USP35: variants seen among roughly 807,000 people sequenced by gnomAD.
USP35 encodes ubiquitin carboxyl-terminal hydrolase 35.
In USP35, 69 loss-of-function variants were observed where a neutral mutation model predicts 83.8. That is an observed-to-expected ratio of 0.82 (90% CI 0.68 to 1.01). The LOEUF is 1.01. Among genes scored for constraint, USP35 ranks in the 50% least tolerant of loss-of-function variants. The pLI, the probability that USP35 is intolerant of heterozygous loss-of-function variation, is 0.00. For missense variants in USP35, 1,503 were observed against 1,362.5 expected, an observed-to-expected ratio of 1.10 and a Z score of -1.62; for synonymous variants, 714 against 589.5, an observed-to-expected ratio of 1.21 and a Z score of -3.06.
intron 1 of USP35, among the ~76,000 whole-genome samples, chr11:78,192,916 A>G (rs926094567): frequency 5.9e-5 from 9 of 152,150 alleles, no homozygotes; most frequent in African/African-American, 2.2e-4. Context: ...TTCTACTACC[A>G]GAGTCTTCCC....
chr11:78,199,800 G>T, intron 4 of USP35, 76 bp downstream of exon 4: 1 of 1,604,540 alleles, frequency 6.2e-7, no homozygotes, highest in Non-Finnish European at 8.5e-7. Flanking sequence ...AGGTCTGGGA[G>T]GTCAGAGCAT....
the USP35 span, among the ~76,000 whole-genome samples, chr11:78,224,645 C>T: frequency 5.9e-5 from 9 of 152,348 alleles, no homozygotes; most frequent in East Asian, 1.3e-3. Context: ...TCTTGCCTGA[C>T]ACCTTGGAGA....
intron 6 of USP35, among the ~76,000 whole-genome samples, 177 bp from the exon 7 acceptor site, chr11:78,205,665 A>G (rs1863507357): frequency 2.0e-5 from 3 of 152,182 alleles, no homozygotes; most frequent in Admixed American, 1.3e-4. Flanking sequence ...CCATATGTCA[A>G]CTGAAGGGGT....
At chr11:78,200,538 G>A (rs1040390667) in intron 5 of USP35, 112 bp from the exon 6 acceptor site, 186 of 1,466,446 alleles carry the variant, frequency 1.3e-4, no homozygotes, top group Non-Finnish European at 1.6e-4. Flanking sequence ...CAGTGGTCAG[G>A]TGGGCAAGCC....
At chr11:78,207,663 T>G in intron 8 of USP35, 40 bp downstream of exon 8, 1 of 1,596,628 alleles carries the variant, frequency 6.3e-7, no homozygotes, top group Non-Finnish European at 8.6e-7. Flanking sequence ...GAGAGGCAGC[T>G]CTGGTCAGGC....
the USP35 span, chr11:78,221,664 C>G: frequency 6.4e-7 from 1 of 1,563,624 alleles, no homozygotes; most frequent in Non-Finnish European, 8.8e-7. Context: ...CCAGCGAAGC[C>G]CGAAGGACTC....
rs1223866938 is a variant in USP35, at chr11:78,209,810, C to A, written c.1955C>A (p.Thr652Asn). 6 of 1,608,356 alleles carry A rather than the reference C, an allele frequency of 3.7e-6. No individual in the cohort carries two copies. In the South Asian group the frequency reaches 5.5e-5, roughly 15 times the overall value. Residue 652 changes from threonine to asparagine, a missense_variant, in exon 10 of 11, where the codon ACC becomes AAC. Thr to Asn is a moderately conservative substitution (Grantham distance 65). Coordinates refer to ENST00000529308, the MANE Select transcript of USP35 (RefSeq NM_020798.4). ...RQRKHCITED[T>N]PPTSLYIEGL... is the part of the protein sequence containing the mutation. ...AGGAAACACTGCATCACAGAGGACACCCCCCCCACCAGCCTGTACATCGAA... is the reference window on the plus strand; with the variant it reads ...AGGAAACACTGCATCACAGAGGACAACCCCCCCACCAGCCTGTACATCGAA...
At chr11:78,190,744 G>T (rs1280335638) in intron 1 of USP35, among the ~76,000 whole-genome samples, 1 of 152,224 alleles carries the variant, frequency 6.6e-6, no homozygotes, top group Non-Finnish European at 1.5e-5. Context: ...AGAGGAGAGG[G>T]CATGTGAGCT....
the USP35 span, among the ~76,000 whole-genome samples, chr11:78,227,811 C>A: frequency 6.6e-6 from 1 of 152,068 alleles, no homozygotes; most frequent in East Asian, 1.9e-4. Context: ...AAAAAACACA[C>A]GCCCCAACAC....
Position 78,196,177 on chromosome 11 carries a change from C to T in USP35, c.-10-59C>T, listed in dbSNP as rs1863136872. On this transcript the variant is annotated intron_variant, in intron 1 of 10. Coordinates refer to ENST00000529308, the MANE Select transcript of USP35 (RefSeq NM_020798.4). The surrounding 1 kb of genome is among the most constrained non-coding windows in gnomAD (Gnocchi z 4.8). ...TAAGTCTCAGCACTCGGGGACTGCA[C>T]CGGGAACTCTTGAGCCCCGCGGTTG... The T allele has an allele frequency of 6.6e-7, 1 of 1,512,528 alleles. No homozygotes were observed. The highest frequency in any genetic ancestry group is 8.8e-7 in the Non-Finnish European group (1 of 1,141,094). 93.7% of individuals were successfully genotyped at this position (1,512,528 alleles called of 1,614,324 possible).
At chr11:78,219,298 C>A, downstream of USP35, 1 of 1,613,766 alleles carries the variant, frequency 6.2e-7, no homozygotes, top group South Asian at 1.1e-5. Context: ...TTGGAAGGCT[C>A]TGAGGACTGC....
chr11:78,190,747 T>C (rs1862978720), intron 1 of USP35, among the ~76,000 whole-genome samples: 1 of 152,180 alleles, frequency 6.6e-6, no homozygotes, highest in African/African-American at 2.4e-5. Context: ...GGAGAGGGCA[T>C]GTGAGCTGGG....
At chr11:78,212,938 A>C (rs1024732604) in intron 10 of USP35, among the ~76,000 whole-genome samples, 1 of 152,082 alleles carries the variant, frequency 6.6e-6, no homozygotes, top group Admixed American at 6.6e-5. Context: ...CCCACTACCC[A>C]CGTGAGCCTC....
At position 78,196,588 on chromosome 11, in the gene USP35, C is replaced by T. The variant is rs780017664; in HGVS notation, c.343C>T (p.Pro115Ser). 19 of 1,253,760 alleles carry T rather than the reference C, an allele frequency of 1.5e-5. No individual in the cohort carries two copies. Among genetic ancestry groups the T allele is most frequent in the Admixed American group, 4.4e-5 (1 of 22,726 alleles). 77.7% of individuals were successfully genotyped at this position (1,253,760 alleles called of 1,614,324 possible). The change falls in exon 2 of 11, where the codon CCT becomes TCT. Residue 115 changes from proline (P) to serine (S), a missense_variant. Pro to Ser is a moderately conservative substitution (Grantham distance 74, BLOSUM62 -1). Coordinates refer to ENST00000529308, the MANE Select transcript of USP35 (RefSeq NM_020798.4). This position sits in a 1 kb window ranked among gnomAD's most constrained non-coding sequence, Gnocchi z 4.8. The part of the protein sequence containing the change: ...QLGLQLLPEG[P>S]AADEVFALLR... ...GGGTCTGCAGCTGCTGCCCGAGGGG[C>T]CTGCGGCCGACGAGGTGTTCGCGCT...
At chr11:78,227,498 A>T in the USP35 span, among the ~76,000 whole-genome samples, 71 of 152,250 alleles carry the variant, frequency 4.7e-4, no homozygotes, top group Non-Finnish European at 2.9e-5. Context: ...GTTGAAAAGA[A>T]TTATTTGGGT....
intron 6 of USP35, among the ~76,000 whole-genome samples, chr11:78,203,913 C>T (rs1204272654): frequency 2.7e-5 from 3 of 112,428 alleles, no homozygotes; most frequent in African/African-American, 1.1e-4. Flanking sequence ...TTTTTTGAGA[C>T]GGAGTCTCGC....
chr11:78,234,985 G>A, the USP35 span, among the ~76,000 whole-genome samples: 7 of 151,906 alleles, frequency 4.6e-5, no homozygotes, highest in Non-Finnish European at 4.4e-5. Context: ...ATTCCAGCCC[G>A]GGAGACAGAG....
At chr11:78,233,306 A>T in the USP35 span, among the ~76,000 whole-genome samples, 3 of 152,144 alleles carry the variant, frequency 2.0e-5, no homozygotes, top group East Asian at 5.8e-4. Context: ...AAGTGCTGGG[A>T]TTATAGGCAT....
chr11:78,189,324 T>C (rs1477019064), intron 1 of USP35, among the ~76,000 whole-genome samples, 167 bp downstream of exon 1: 3 of 152,216 alleles, frequency 2.0e-5, no homozygotes, highest in Non-Finnish European at 4.4e-5. Context: ...TATTCCTCTC[T>C]GGGCATTAAT....
Sources: allele counts gnomAD v4.1 joint callset (sites outside exome capture counted in the v4.1 genomes callset), GRCh38; gene constraint gnomAD v4.1.1; non-coding constraint Gnocchi (gnomAD v3.1); transcripts MANE v1.5; gene names NCBI Gene and HGNC (gene_info 2026-07-23, HGNC 2026-07-21).